Variants in CCDC138 observed in about 807,000 individuals in gnomAD.
CCDC138 encodes the protein coiled-coil domain containing 138.
Under a neutral mutation model 82.3 loss-of-function variants are expected in CCDC138, and 66 were observed. The observed-to-expected ratio is 0.80, with a 90% CI of 0.66 to 0.98. The LOEUF is 0.98. Ranked by LOEUF, CCDC138 falls within the 50% of genes least tolerant of loss-of-function variation. The probability of loss-of-function intolerance (pLI) is 0.00; values close to 1 mark genes in which losing one functional copy is unlikely to be tolerated. For synonymous variants in CCDC138, 297 were observed against 265.4 expected (o/e 1.12, Z -1.16); for missense variants, 816 against 758.9 (o/e 1.08, Z -0.88).
At chr2:108,874,676 T>C (rs1695762489) in intron 14 of CCDC138, among the ~76,000 whole-genome samples, 1 of 152,198 alleles carries the variant, frequency 6.6e-6, no homozygotes, top group South Asian at 2.1e-4. Flanking sequence ...CCATATGTTC[T>C]ATTTGGTAAC....
At chr2:108,793,560 C>T (rs1680303924) in intron 4 of CCDC138, among the ~76,000 whole-genome samples, 2 of 151,906 alleles carry the variant, frequency 1.3e-5, no homozygotes, top group African/African-American at 2.4e-5. Context: ...AGCAATTTTG[C>T]TACTACTTAT....
At chr2:108,789,625 C>CAT (rs1274359115) in intron 3 of CCDC138, among the ~76,000 whole-genome samples, 1 of 152,074 alleles carries the variant, frequency 6.6e-6, no homozygotes. Context: ...AAAAAACTGC[C>CAT]ATACAGGTTT....
At chr2:108,871,062 A>T (rs1695160008) in intron 13 of CCDC138, among the ~76,000 whole-genome samples, 1 of 152,198 alleles carries the variant, frequency 6.6e-6, no homozygotes, top group Non-Finnish European at 1.5e-5. Flanking sequence ...GCCGTCATTA[A>T]TGTTAGGTGA....
At chr2:108,831,151 C>G (rs78954063) in intron 10 of CCDC138, among the ~76,000 whole-genome samples, 2,743 of 152,078 alleles carry the variant, frequency 0.018, 90 homozygotes, top group African/African-American at 0.064. Context: ...TGCACTCCAG[C>G]CTGAGTTATA....
downstream of CCDC138, among the ~76,000 whole-genome samples, chr2:108,876,942 A>G (rs1696059963): frequency 6.6e-6 from 1 of 152,220 alleles, no homozygotes; most frequent in Non-Finnish European, 1.5e-5. Context: ...GGGTGAAGTA[A>G]AGGTGGTAAA....
intron 10 of CCDC138, among the ~76,000 whole-genome samples, chr2:108,830,789 CAA>C (rs553004023): frequency 1.3e-4 from 20 of 150,348 alleles, no homozygotes; most frequent in African/African-American, 4.2e-4. Flanking sequence ...GCCTGGGCAA[CAA>C]GAGCAAAACT....
intron 11 of CCDC138, among the ~76,000 whole-genome samples, chr2:108,845,382 A>G (rs1243790632): frequency 6.6e-6 from 1 of 152,124 alleles, no homozygotes; most frequent in Non-Finnish European, 1.5e-5. Flanking sequence ...ACTTATCCAC[A>G]TTGCAGGATC....
intron 7 of CCDC138, among the ~76,000 whole-genome samples, chr2:108,809,246 GTGTAA>G (rs1230707011): frequency 5.9e-5 from 9 of 152,158 alleles, no homozygotes; most frequent in Middle Eastern, 3.2e-3. Flanking sequence ...AGTTTAGGTA[GTGTAA>G]TGCCTCCAGT....
At chr2:108,811,114 T>C (rs1292971737) in intron 7 of CCDC138, among the ~76,000 whole-genome samples, 1 of 151,260 alleles carries the variant, frequency 6.6e-6, no homozygotes, top group Non-Finnish European at 1.5e-5. Flanking sequence ...TTTTTTTTCT[T>C]TTTTCTTTCC....
chr2:108,810,237 A>G (rs559007996), intron 7 of CCDC138, among the ~76,000 whole-genome samples: 74 of 152,142 alleles, frequency 4.9e-4, no homozygotes, highest in African/African-American at 1.7e-3. Flanking sequence ...TAGAGGAAAA[A>G]TTTTCAGCTT....
chr2:108,852,512 C>G (rs956491912), intron 12 of CCDC138, among the ~76,000 whole-genome samples: 1 of 152,076 alleles, frequency 6.6e-6, no homozygotes, highest in Non-Finnish European at 1.5e-5. Context: ...AAATGCCCAT[C>G]GAAGATAACC....
intron 10 of CCDC138, among the ~76,000 whole-genome samples, chr2:108,833,232 T>C (rs1436354401): frequency 1.3e-5 from 2 of 152,212 alleles, no homozygotes; most frequent in African/African-American, 4.8e-5. Context: ...TGAATCCTAA[T>C]GTAAACTATA....
At chr2:108,857,848 G>A (rs1490952535) in intron 13 of CCDC138, among the ~76,000 whole-genome samples, 4 of 152,208 alleles carry the variant, frequency 2.6e-5, no homozygotes, top group Non-Finnish European at 5.9e-5. Flanking sequence ...AGATGCAAAT[G>A]TGTATTCATT....
Position 108,804,885 on chromosome 2 carries a change from C to G in CCDC138, c.736-4C>G. 6.6e-7 allele frequency: 1 copy of G among 1,514,234 alleles called. No homozygotes were observed. The highest frequency in any genetic ancestry group is 1.4e-5 in the South Asian group (1 of 73,860). The allele number at this position is 1,514,234 out of a possible 1,614,324, so 93.8% of individuals were successfully genotyped here. A position where few individuals can be genotyped will look rare whatever the true frequency, so the allele number is the denominator to read the frequency against. On this transcript the variant is annotated splice_polypyrimidine_tract_variant and splice_region_variant and intron_variant, in intron 6 of 14. Transcript: ENST00000295124. The stretch of plus-strand genomic sequence containing the variant: ...AGATGAGAGTTTTTTTTTTCTCCTC[C>G]TAGCAGCATGATGCAGAAGTTGAAC...
intron 12 of CCDC138, among the ~76,000 whole-genome samples, chr2:108,854,447 A>T (rs1049264735): frequency 3.3e-5 from 5 of 152,094 alleles, no homozygotes; most frequent in African/African-American, 1.2e-4. Flanking sequence ...GAGAGAATTG[A>T]TGTAAAGTTT....
chr2:108,854,899 C>A (rs1360170660), intron 12 of CCDC138, among the ~76,000 whole-genome samples: 1 of 152,074 alleles, frequency 6.6e-6, no homozygotes, highest in African/African-American at 2.4e-5. Flanking sequence ...GCAGTTTCTG[C>A]AAAAGACTTT....
At chr2:108,857,056 G>T in intron 13 of CCDC138, 86 bp downstream of exon 13, 6 of 181,346 alleles carry the variant, frequency 3.3e-5, no homozygotes, top group Non-Finnish European at 4.4e-5. Context: ...CCACATATCA[G>T]ATACTATTGC....
chr2:108,815,859 ATTAC>A (rs1684697046), intron 9 of CCDC138, 78 bp from the exon 10 acceptor site: 1 of 1,135,810 alleles, frequency 8.8e-7, no homozygotes, highest in Non-Finnish European at 1.3e-6. Context: ...AATTATTCTT[ATTAC>A]TTAACAAATT....
rs1362327408 is a variant in CCDC138, at chr2:108,811,237, TTC to T, written c.856-1384_856-1383del. ...TATTTCTTCTCTCCCTTTTCTTTCTTTCTCTCTCTCTTTTTTTTTTTTTTTGA... is the reference window on the plus strand; with the variant it reads ...TATTTCTTCTCTCCCTTTTCTTTCTTTCTCTCTCTTTTTTTTTTTTTTTGA... On this transcript the variant is annotated intron_variant, in intron 7 of 14. Coordinates refer to ENST00000295124, the MANE Select transcript of CCDC138 (RefSeq NM_144978.3). Among the ~76,000 whole-genome samples, 11 of 60,362 alleles carry T rather than the reference TTC, an allele frequency of 1.8e-4. 1 individual carries two copies. In the East Asian group the frequency reaches 3.3e-3, roughly 18 times the overall value. 39.6% of individuals were successfully genotyped at this position (60,362 alleles called of 152,430 possible).
Sources: allele counts gnomAD v4.1 joint callset (sites outside exome capture counted in the v4.1 genomes callset), GRCh38; gene constraint gnomAD v4.1.1; transcripts MANE v1.5; gene names NCBI Gene and HGNC (gene_info 2026-07-23, HGNC 2026-07-21).